Variants in CDK14 observed in about 807,000 individuals in gnomAD.
CDK14 encodes cyclin dependent kinase 14.
CDK14 carries 34 observed loss-of-function variants against 60.7 expected under a neutral mutation model. The observed-to-expected ratio is 0.56, with a 90% CI of 0.43 to 0.75. The LOEUF (loss-of-function observed/expected upper bound fraction) is 0.75, where lower values mean the gene tolerates loss of function less well. Ranked by LOEUF, CDK14 falls within the 30% of genes least tolerant of loss-of-function variation. The probability of loss-of-function intolerance (pLI) is 0.00; values close to 1 mark genes in which losing one functional copy is unlikely to be tolerated. For synonymous variants in CDK14, 197 were observed against 203.7 expected, an observed-to-expected ratio of 0.97 and a Z score of 0.28; for missense variants, 482 against 564.1, an observed-to-expected ratio of 0.85 and a Z score of 1.47.
At chr7:90,960,117 A>C (rs1794557298) in intron 9 of CDK14, among the ~76,000 whole-genome samples, 1 of 152,148 alleles carries the variant, frequency 6.6e-6, no homozygotes, top group East Asian at 1.9e-4. Context: ...CAAGCTGTTG[A>C]GGTCATTGTT....
chr7:91,172,277 A>G (rs1801544132), intron 14 of CDK14, among the ~76,000 whole-genome samples: 1 of 152,202 alleles, frequency 6.6e-6, no homozygotes, highest in African/African-American at 2.4e-5. Flanking sequence ...AAAGCTCAGT[A>G]TCTTCCATGA....
At chr7:90,709,893 A>C in intron 2 of CDK14, 1 of 1,292,588 alleles carries the variant, frequency 7.7e-7, no homozygotes, top group Non-Finnish European at 9.9e-7. Context: ...TGGTGCAAAC[A>C]CATTGCTAGA....
chr7:90,833,013 C>T (rs1177723856), intron 5 of CDK14, among the ~76,000 whole-genome samples: 2 of 152,192 alleles, frequency 1.3e-5, no homozygotes, highest in Non-Finnish European at 2.9e-5. Flanking sequence ...ATCATGTCAG[C>T]ACTTAGCTGT....
intron 4 of CDK14, among the ~76,000 whole-genome samples, chr7:90,767,357 T>G (rs1804607289): frequency 6.6e-6 from 1 of 152,194 alleles, no homozygotes; most frequent in Non-Finnish European, 1.5e-5. Context: ...ATTTCTTGCA[T>G]AATTCTCTTA....
At chr7:91,021,036 A>G (rs185559398) in intron 10 of CDK14, among the ~76,000 whole-genome samples, 1 of 152,294 alleles carries the variant, frequency 6.6e-6, no homozygotes, top group African/African-American at 2.4e-5. Context: ...ATTCCCTAGA[A>G]GGCTTTCTCA....
Position 90,802,491 on chromosome 7 carries a change from A to C in CDK14, c.544+11839A>C, listed in dbSNP as rs1445351539. 2.0e-5 allele frequency among the ~76,000 whole-genome samples: 3 copies of C among 152,272 alleles called. No individual in the cohort carries two copies. In the East Asian group the frequency reaches 5.8e-4, roughly 29 times the overall value. On this transcript the variant is annotated intron_variant, in intron 5 of 14. Coordinates refer to ENST00000380050, the MANE Select transcript of CDK14 (RefSeq NM_001287135.2). Reference sequence around the variant, plus strand: ...GTTGCATCCTCATGGTCTTCAAGCTATGTGTTTGGTCTTACAGTAAATTTT... The same window carrying C: ...GTTGCATCCTCATGGTCTTCAAGCTCTGTGTTTGGTCTTACAGTAAATTTT...
chr7:90,913,822 A>T (rs1792985264), intron 7 of CDK14, among the ~76,000 whole-genome samples: 1 of 152,146 alleles, frequency 6.6e-6, no homozygotes, highest in South Asian at 2.1e-4. Context: ...TTTTAGGCAG[A>T]TAAGGGGACT....
chr7:90,874,326 A>T (rs2117258692), intron 6 of CDK14, among the ~76,000 whole-genome samples: 1 of 152,134 alleles, frequency 6.6e-6, no homozygotes, highest in African/African-American at 2.4e-5. Context: ...GCTTGGAAAT[A>T]ATTCCATTCG....
chr7:90,936,598 T>C (rs1419969155), intron 8 of CDK14, among the ~76,000 whole-genome samples: 2 of 152,208 alleles, frequency 1.3e-5, no homozygotes, highest in Admixed American at 6.5e-5. Flanking sequence ...TTGTTAAATA[T>C]CATTATTTTA....
chr7:90,780,657 G>T (rs1562766522), intron 4 of CDK14, among the ~76,000 whole-genome samples: 1 of 145,908 alleles, frequency 6.9e-6, no homozygotes, highest in Non-Finnish European at 1.5e-5. Context: ...TACGGTGTTT[G>T]GTTTTTTGTT....
chr7:90,649,288 C>G (rs17875127), intron 2 of CDK14, among the ~76,000 whole-genome samples: 16 of 63,674 alleles, frequency 2.5e-4, no homozygotes, highest in South Asian at 2.1e-3. Context: ...TTCTTTCTTT[C>G]TTTCTTTCTT....
chr7:90,657,363 T>C (rs1800772797), intron 2 of CDK14, among the ~76,000 whole-genome samples: 2 of 152,236 alleles, frequency 1.3e-5, no homozygotes, highest in Admixed American at 1.3e-4. Flanking sequence ...TCTCCATCTT[T>C]TCTTTGCCTT....
intron 11 of CDK14, among the ~76,000 whole-genome samples, chr7:91,058,844 C>A (rs184281894): frequency 1.3e-5 from 2 of 151,966 alleles, no homozygotes; most frequent in Non-Finnish European, 2.9e-5. Context: ...ATGTTTATCA[C>A]GGATATTGGT....
At chr7:91,073,379 A>C (rs955394541) in intron 11 of CDK14, among the ~76,000 whole-genome samples, 7 of 152,232 alleles carry the variant, frequency 4.6e-5, no homozygotes, top group African/African-American at 1.7e-4. Context: ...TTTTCAACCC[A>C]GAATTTCATA....
intron 14 of CDK14, among the ~76,000 whole-genome samples, chr7:91,176,713 A>C: frequency 6.6e-6 from 1 of 151,930 alleles, no homozygotes; most frequent in East Asian, 1.9e-4. Flanking sequence ...ATCTAGAAGA[A>C]ATGGATAAAT....
At chr7:91,201,466 G>GA (rs543793509) in intron 14 of CDK14, among the ~76,000 whole-genome samples, 37 of 151,726 alleles carry the variant, frequency 2.4e-4, no homozygotes, top group East Asian at 1.4e-3. Context: ...CTTAGAGGGG[G>GA]AAAAAATGTG....
At chr7:91,000,634 T>C (rs1220873540) in intron 10 of CDK14, among the ~76,000 whole-genome samples, 3 of 152,242 alleles carry the variant, frequency 2.0e-5, no homozygotes, top group Non-Finnish European at 4.4e-5. Context: ...CTTTTTTTGC[T>C]TCAGGGCTAC....
At chr7:90,850,308 T>C (rs548586150) in intron 5 of CDK14, among the ~76,000 whole-genome samples, 14 of 152,212 alleles carry the variant, frequency 9.2e-5, no homozygotes, top group Non-Finnish European at 1.6e-4. Flanking sequence ...ATTTTTCTTG[T>C]TCATGCATGC....
intron 10 of CDK14, among the ~76,000 whole-genome samples, chr7:91,024,436 G>A (rs1456208314): frequency 2.0e-5 from 3 of 152,050 alleles, no homozygotes; most frequent in South Asian, 2.1e-4. Flanking sequence ...GCATATCATC[G>A]AGGCCAGGAG....
Sources: allele counts gnomAD v4.1 joint callset (sites outside exome capture counted in the v4.1 genomes callset), GRCh38; gene constraint gnomAD v4.1.1; transcripts MANE v1.5; gene names NCBI Gene and HGNC (gene_info 2026-07-23, HGNC 2026-07-21).